The following SFMBT1 variants were observed in gnomAD, a reference collection of about 807,000 sequenced individuals.
SFMBT1 encodes the protein scm-like with four MBT domains protein 1.
Under a neutral mutation model 108.7 loss-of-function variants are expected in SFMBT1, and 32 were observed. That is an observed-to-expected ratio of 0.29 (90% CI 0.22 to 0.40). The LOEUF (loss-of-function observed/expected upper bound fraction) is 0.40, where lower values mean the gene tolerates loss of function less well. Among genes scored for constraint, SFMBT1 ranks in the 10% least tolerant of loss-of-function variants. The pLI is 1.00. For synonymous variants in SFMBT1, 348 were observed against 369.5 expected, an observed-to-expected ratio of 0.94 and a Z score of 0.67; for missense variants, 816 against 1,059.6, an observed-to-expected ratio of 0.77 and a Z score of 3.19.
chr3:53,006,589 A>G (rs1698750405), intron 1 of SFMBT1, among the ~76,000 whole-genome samples: 1 of 150,836 alleles, frequency 6.6e-6, no homozygotes. Flanking sequence ...AGATCCTGCC[A>G]CTGTACTCCA....
chr3:53,033,567 CTACT>C (rs1280425306), intron 1 of SFMBT1, among the ~76,000 whole-genome samples: 6 of 152,024 alleles, frequency 3.9e-5, no homozygotes, highest in Non-Finnish European at 5.9e-5. Flanking sequence ...CAAATACTCT[CTACT>C]TAGATTCAAA....
chr3:53,041,963 T>A (rs1057113676), intron 1 of SFMBT1, among the ~76,000 whole-genome samples: 3 of 152,204 alleles, frequency 2.0e-5, no homozygotes, highest in African/African-American at 7.2e-5. Context: ...GGAAGTTGTA[T>A]CATTTACTCA....
intron 1 of SFMBT1, among the ~76,000 whole-genome samples, chr3:53,029,986 T>C (rs2106956204): frequency 6.6e-6 from 1 of 151,914 alleles, no homozygotes; most frequent in East Asian, 1.9e-4. Flanking sequence ...GTATTAGAAA[T>C]ACTAACTTAG....
intron 1 of SFMBT1, among the ~76,000 whole-genome samples, chr3:52,991,345 T>C (rs907979902): frequency 6.3e-5 from 9 of 142,988 alleles, no homozygotes; most frequent in South Asian, 4.6e-4. Flanking sequence ...GAAACTTCTT[T>C]TTTTTTTTTT....
At chr3:52,928,635 T>TATAC (rs1445772533) in intron 8 of SFMBT1, 2 of 43,006 alleles carry the variant, frequency 4.7e-5, no homozygotes, top group African/African-American at 1.5e-4. Flanking sequence ...TACATATATA[T>TATAC]ACATATATAT....
At chr3:53,038,446 C>T (rs1699933264) in intron 1 of SFMBT1, among the ~76,000 whole-genome samples, 1 of 152,166 alleles carries the variant, frequency 6.6e-6, no homozygotes, top group Non-Finnish European at 1.5e-5. Context: ...TCCAGAAAGT[C>T]AAAAACATCC....
chr3:52,934,199 A>G (rs1702938618), intron 5 of SFMBT1, among the ~76,000 whole-genome samples: 1 of 152,184 alleles, frequency 6.6e-6, no homozygotes, highest in African/African-American at 2.4e-5. Context: ...GTTGGCAAGG[A>G]AGTAGAGGGA....
At chr3:52,921,912 G>T in intron 10 of SFMBT1, 81 bp from the exon 11 acceptor site, 1 of 1,372,316 alleles carries the variant, frequency 7.3e-7, no homozygotes, top group Non-Finnish European at 1.0e-6. Flanking sequence ...CCTTTTTCAA[G>T]TAGTACTTAA....
chr3:53,022,907 T>C (rs1161313757), intron 1 of SFMBT1, among the ~76,000 whole-genome samples: 3 of 152,210 alleles, frequency 2.0e-5, no homozygotes, highest in East Asian at 3.8e-4. Flanking sequence ...GCAGTTAAGA[T>C]GGTAAGCTTT....
chr3:53,007,710 GTGA>G (rs1669203526), intron 1 of SFMBT1, among the ~76,000 whole-genome samples: 1 of 152,290 alleles, frequency 6.6e-6, no homozygotes, highest in South Asian at 2.1e-4. Flanking sequence ...AATTGAAAAT[GTGA>G]TGAAGAATGA....
intron 1 of SFMBT1, among the ~76,000 whole-genome samples, chr3:53,038,519 A>C (rs1699936189): frequency 6.6e-6 from 1 of 152,218 alleles, no homozygotes; most frequent in Non-Finnish European, 1.5e-5. Flanking sequence ...CAGTATTAGG[A>C]AACTCATCCC....
At chr3:53,042,610 T>C (rs1262347604) in intron 1 of SFMBT1, among the ~76,000 whole-genome samples, 1 of 152,224 alleles carries the variant, frequency 6.6e-6, no homozygotes, top group East Asian at 1.9e-4. Context: ...CCCAAAGTGC[T>C]GGGATTATAG....
intron 1 of SFMBT1, among the ~76,000 whole-genome samples, chr3:53,026,454 G>A (rs1336303386): frequency 6.6e-6 from 1 of 152,190 alleles, no homozygotes; most frequent in Non-Finnish European, 1.5e-5. Context: ...AGTGAGGACA[G>A]TAAGTCTTCC....
At chr3:53,008,627 G>T (rs1217756530) in intron 1 of SFMBT1, among the ~76,000 whole-genome samples, 1 of 148,916 alleles carries the variant, frequency 6.7e-6, no homozygotes, top group Non-Finnish European at 1.5e-5. Flanking sequence ...ATGACCCTAG[G>T]TAGACTTTTT....
Position 52,907,228 on chromosome 3 carries a change from C to A in SFMBT1, c.2172G>T (p.Glu724Asp). The A allele has an allele frequency of 6.2e-7, 1 of 1,614,090 alleles. No homozygotes were observed. Among genetic ancestry groups the A allele is most frequent in the Non-Finnish European group, 8.5e-7 (1 of 1,180,026 alleles). ...CTGACATTTCTGATTCTTCCTGTAG[C>A]TCATCCTGCTGCTCGGATGTACTGC... ...SEGSTSEQQDELQEESEMSEK... is the reference protein window; with the variant it reads ...SEGSTSEQQDDLQEESEMSEK... Residue 724 changes from glutamate (E) to aspartate (D), a missense_variant, in exon 19 of 21, where the codon GAG becomes GAT. Transcript: ENST00000394752.
chr3:52,922,851 G>A (rs771107686), intron 10 of SFMBT1, among the ~76,000 whole-genome samples: 9 of 152,162 alleles, frequency 5.9e-5, no homozygotes, highest in Non-Finnish European at 1.2e-4. Flanking sequence ...CCAAAACAGC[G>A]GTTAGCCTAT....
intron 17 of SFMBT1, among the ~76,000 whole-genome samples, chr3:52,908,363 C>A (rs917826292): frequency 5.3e-5 from 8 of 152,112 alleles, no homozygotes; most frequent in East Asian, 1.9e-4. Context: ...TGAGCCACCA[C>A]GTCCAGCAGC....
intron 1 of SFMBT1, among the ~76,000 whole-genome samples, chr3:53,037,428 T>C (rs1699901975): frequency 6.6e-6 from 1 of 152,244 alleles, no homozygotes; most frequent in Non-Finnish European, 1.5e-5. Flanking sequence ...CCAATTTGCA[T>C]ATGGTGTTAT....
At chr3:52,940,302 C>T (rs1703141541) in intron 4 of SFMBT1, among the ~76,000 whole-genome samples, 1 of 152,188 alleles carries the variant, frequency 6.6e-6, no homozygotes, top group South Asian at 2.1e-4. Flanking sequence ...AAAGAAAAGA[C>T]TTCTTGGGGA....
Sources: allele counts gnomAD v4.1 joint callset (sites outside exome capture counted in the v4.1 genomes callset), GRCh38; gene constraint gnomAD v4.1.1; transcripts MANE v1.5; gene names NCBI Gene and HGNC (gene_info 2026-07-23, HGNC 2026-07-21).